Variants in DNAH8 observed in about 807,000 individuals in gnomAD.
DNAH8 encodes axonemal beta dynein heavy chain 8.
Under a neutral mutation model 562.1 loss-of-function variants are expected in DNAH8, and 382 were observed. That is an observed-to-expected ratio of 0.68 (90% CI 0.63 to 0.74). DNAH8 has a LOEUF of 0.74. Ranked by LOEUF, DNAH8 falls within the 30% of genes least tolerant of loss-of-function variation. The probability of loss-of-function intolerance (pLI) is 0.00; values close to 1 mark genes in which losing one functional copy is unlikely to be tolerated. For missense variants in DNAH8, 5,203 were observed against 5,620.4 expected (o/e 0.93, Z 2.37); for synonymous variants, 1,881 against 1,919.4 (o/e 0.98, Z 0.52).
At chr6:38,985,934 G>A (rs1429121918) in intron 87 of DNAH8, among the ~76,000 whole-genome samples, 1 of 152,184 alleles carries the variant, frequency 6.6e-6, no homozygotes, top group Admixed American at 6.5e-5. Context: ...ACCTGCTCCT[G>A]AAAGAGGATC....
chr6:38,786,254 A>G (rs993783367), intron 17 of DNAH8, among the ~76,000 whole-genome samples: 2 of 152,172 alleles, frequency 1.3e-5, no homozygotes, highest in Non-Finnish European at 2.9e-5. Context: ...GGATTTCACA[A>G]CTCAATGGTA....
chr6:38,994,637 G>A (rs191687483), intron 88 of DNAH8, among the ~76,000 whole-genome samples: 83 of 139,290 alleles, frequency 6.0e-4, no homozygotes, highest in Non-Finnish European at 2.1e-4. Flanking sequence ...TATCACCAGT[G>A]ACTTTTTTTT....
intron 21 of DNAH8, among the ~76,000 whole-genome samples, chr6:38,796,313 TC>T (rs1453216544): frequency 6.6e-6 from 1 of 152,046 alleles, no homozygotes; most frequent in African/African-American, 2.4e-5. Context: ...CCCTCACTTC[TC>T]TGCTCCAGGT....
At chr6:38,777,151 T>C (rs974993082) in intron 13 of DNAH8, among the ~76,000 whole-genome samples, 5 of 152,202 alleles carry the variant, frequency 3.3e-5, no homozygotes, top group African/African-American at 9.6e-5. Flanking sequence ...TTAGACTCTT[T>C]GATATGAAGA....
chr6:38,801,087 C>T (rs1053703890), intron 21 of DNAH8, among the ~76,000 whole-genome samples: 6 of 151,202 alleles, frequency 4.0e-5, no homozygotes, highest in African/African-American at 1.5e-4. Context: ...TTTTGTTGTT[C>T]TGCTTTTGGT....
chr6:38,787,188 T>C (rs1769248910), intron 18 of DNAH8, among the ~76,000 whole-genome samples: 1 of 152,086 alleles, frequency 6.6e-6, no homozygotes, highest in African/African-American at 2.4e-5. Context: ...GGATAATGAC[T>C]GACGAAATAG....
chr6:38,949,534 A>C lies in DNAH8; in HGVS notation c.12212A>C (p.Asp4071Ala). ...EEEIIPDGYN[D>A]SLDTCHKLLL... ...GAAATTATCCCTGATGGATATAATG[A>C]TTCACTAGATACCTGCCATAAACTT... Residue 4071 changes from aspartate (D) to alanine (A), a missense_variant, in exon 81 of 93, where the codon GAT (aspartate) becomes GCT (alanine). Transcript: ENST00000327475. 1 of 1,611,476 alleles carries C rather than the reference A, an allele frequency of 6.2e-7. No homozygotes were observed. The highest frequency in any genetic ancestry group is 8.5e-7 in the Non-Finnish European group (1 of 1,177,696).
At chr6:38,755,928 C>A in intron 9 of DNAH8, 44 bp from the exon 10 acceptor site, 1 of 1,048,944 alleles carries the variant, frequency 9.5e-7, no homozygotes. Context: ...GTTATTAAAA[C>A]TATATGCATA....
intron 10 of DNAH8, among the ~76,000 whole-genome samples, chr6:38,757,486 A>G (rs1245935902): frequency 1.3e-5 from 2 of 151,858 alleles, no homozygotes; most frequent in South Asian, 4.2e-4. Flanking sequence ...GTTCACTCTG[A>G]TGGTAGTTTC....
intron 69 of DNAH8, 37 bp from the exon 70 acceptor site, chr6:38,917,888 T>C (rs1240828712): frequency 6.7e-7 from 1 of 1,486,052 alleles, no homozygotes; most frequent in Non-Finnish European, 9.2e-7. Context: ...GAAAGTATTT[T>C]CTTCCAGAAC....
At chr6:38,823,491 A>G (rs1303892759) in intron 27 of DNAH8, 71 bp from the exon 28 acceptor site, 52 of 1,250,952 alleles carry the variant, frequency 4.2e-5, no homozygotes, top group Admixed American at 1.9e-4. Context: ...AGCAAATGCA[A>G]TTTTCTAATG....
intron 21 of DNAH8, among the ~76,000 whole-genome samples, chr6:38,794,300 C>A (rs969728752): frequency 6.7e-6 from 1 of 149,882 alleles, no homozygotes; most frequent in African/African-American, 2.5e-5. Context: ...TGTGAGGGAT[C>A]CAAGGCCTTA....
chr6:38,884,485 G>A (rs1005098693), intron 56 of DNAH8, among the ~76,000 whole-genome samples: 7 of 152,130 alleles, frequency 4.6e-5, no homozygotes, highest in Non-Finnish European at 5.9e-5. Flanking sequence ...GTAGAGACAC[G>A]GTTTCACCAT....
At chr6:38,975,936 G>T (rs1180454373) in intron 85 of DNAH8, among the ~76,000 whole-genome samples, 1 of 152,194 alleles carries the variant, frequency 6.6e-6, no homozygotes, top group African/African-American at 2.4e-5. Context: ...TGTGTTTTTA[G>T]TGGCCATTAT....
chr6:38,807,541 C>T (rs1771391299), intron 23 of DNAH8, 69 bp from the exon 24 acceptor site: 2 of 690,210 alleles, frequency 2.9e-6, no homozygotes, highest in Admixed American at 6.1e-5. Context: ...AATATTCTGT[C>T]ATTGTTTTGG....
At position 38,924,088 on chromosome 6, in the gene DNAH8, A is replaced by G; in HGVS notation, c.10888A>G (p.Met3630Val). 1 of 1,614,058 alleles carries G rather than the reference A, an allele frequency of 6.2e-7. No individual in the cohort carries two copies. ...RNYLLKDQWE[M>V]ELRARKIPFT... Reference sequence around the variant, plus strand: ...CTATTTGCTTAAAGATCAATGGGAAATGGAGTTGAGAGCACGGAAAATTCC... The same window carrying G: ...CTATTTGCTTAAAGATCAATGGGAAGTGGAGTTGAGAGCACGGAAAATTCC... Residue 3630 changes from methionine to valine, a missense_variant, in exon 73 of 93, where the codon ATG (methionine) becomes GTG (valine). Physicochemically the swap from Met to Val is conservative, Grantham distance 21. Coordinates refer to ENST00000327475, the MANE Select transcript of DNAH8 (RefSeq NM_001206927.2).
At chr6:38,984,647 C>T (rs1326293069) in intron 87 of DNAH8, among the ~76,000 whole-genome samples, 13 of 152,016 alleles carry the variant, frequency 8.6e-5, no homozygotes, top group Middle Eastern at 3.2e-3. Flanking sequence ...AAAAAGTAGC[C>T]GGGCGTGGTG....
chr6:39,018,017 A>G (rs1766670005), intron 91 of DNAH8, among the ~76,000 whole-genome samples: 1 of 152,188 alleles, frequency 6.6e-6, no homozygotes, highest in African/African-American at 2.4e-5. Flanking sequence ...CCACTGTTTG[A>G]TGAATGAGAG....
chr6:38,974,774 G>A (rs945785596), intron 85 of DNAH8, among the ~76,000 whole-genome samples: 2 of 152,130 alleles, frequency 1.3e-5, no homozygotes, highest in Non-Finnish European at 2.9e-5. Flanking sequence ...CTGTCTTTTC[G>A]TAACTGCTGA....
Sources: gnomAD v4.1 joint callset for allele counts (sites outside exome capture counted in the v4.1 genomes callset) on GRCh38, gnomAD v4.1.1 for gene constraint, MANE v1.5 for transcripts, NCBI Gene and HGNC (gene_info 2026-07-23, HGNC 2026-07-21) for gene names.